Variants in SMARCC1 observed in about 807,000 individuals in gnomAD.
SMARCC1 encodes the protein SWI/SNF related BAF chromatin remodeling complex subunit C1, also known as SWI/SNF complex subunit SMARCC1.
A neutral mutation model predicts 147.4 loss-of-function variants in SMARCC1; 43 were observed. The ratio of observed to expected loss-of-function variants is 0.29; its 90% confidence interval spans 0.23 to 0.38. The LOEUF is 0.38. Among genes scored for constraint, SMARCC1 ranks in the 10% least tolerant of loss-of-function variants. The pLI is 1.00. For synonymous variants in SMARCC1, 495 were observed against 484.4 expected (o/e 1.02, Z -0.29); for missense variants, 1,119 against 1,381.1 (o/e 0.81, Z 3.01).
chr3:47,735,002 G>A (rs551946860), intron 5 of SMARCC1, among the ~76,000 whole-genome samples: 133 of 152,168 alleles, frequency 8.7e-4, no homozygotes, highest in African/African-American at 3.0e-3. Flanking sequence ...TGATCCGCCC[G>A]CCTTGGCCTC....
At chr3:47,627,784 G>C (rs548953535) in intron 24 of SMARCC1, among the ~76,000 whole-genome samples, 27 of 152,248 alleles carry the variant, frequency 1.8e-4, no homozygotes, top group African/African-American at 6.5e-4. Context: ...GCACCAGTGA[G>C]ATCACAGCTC....
chr3:47,757,698 G>A (rs527711846), intron 2 of SMARCC1, among the ~76,000 whole-genome samples: 4 of 151,490 alleles, frequency 2.6e-5, no homozygotes, highest in African/African-American at 7.3e-5. Flanking sequence ...GGAGGAAAAC[G>A]GCATGAAACA....
intron 26 of SMARCC1, chr3:47,604,222 G>A: frequency 2.2e-6 from 1 of 456,760 alleles, no homozygotes; most frequent in Non-Finnish European, 4.4e-6. Context: ...CTGATGGAGA[G>A]TTTTGTAGAG....
chr3:47,740,211 T>TTTTTTTTTTTTA (rs2034493767), intron 3 of SMARCC1, among the ~76,000 whole-genome samples: 1 of 78,028 alleles, frequency 1.3e-5, no homozygotes, highest in African/African-American at 5.2e-5. Context: ...TTTTTTTTTT[T>TTTTTTTTTTTTA]AAAAGACAGA....
At chr3:47,608,694 C>A (rs2032516874) in intron 26 of SMARCC1, among the ~76,000 whole-genome samples, 1 of 151,384 alleles carries the variant, frequency 6.6e-6, no homozygotes, top group Non-Finnish European at 1.5e-5. Flanking sequence ...AAAACAAAAC[C>A]AAAAATTAGC....
chr3:47,673,394 AAGGGT>A (rs1576406835), intron 18 of SMARCC1, among the ~76,000 whole-genome samples: 1 of 9,890 alleles, frequency 1.0e-4, no homozygotes, highest in East Asian at 0.01. Flanking sequence ...TCAAAAAAAA[AAGGGT>A]GGGGGGGGGG....
At chr3:47,644,825 A>C (rs2033096975) in intron 21 of SMARCC1, among the ~76,000 whole-genome samples, 1 of 152,184 alleles carries the variant, frequency 6.6e-6, no homozygotes, top group African/African-American at 2.4e-5. Context: ...ACTTTTTTAA[A>C]AACTAAAAAT....
intron 25 of SMARCC1, among the ~76,000 whole-genome samples, chr3:47,612,845 A>G (rs1488223717): frequency 6.6e-6 from 1 of 152,234 alleles, no homozygotes. Flanking sequence ...AACATGTCCT[A>G]TGAGTTGAGA....
At chr3:47,706,660 T>C (rs964889432) in intron 9 of SMARCC1, 130 bp from the exon 10 acceptor site, 2 of 797,848 alleles carry the variant, frequency 2.5e-6, no homozygotes, top group Admixed American at 4.3e-5. Flanking sequence ...ATAAAAAGAA[T>C]ATCATTAATC....
chr3:47,722,890 A>G (rs981002476), intron 6 of SMARCC1, among the ~76,000 whole-genome samples: 1 of 152,230 alleles, frequency 6.6e-6, no homozygotes, highest in African/African-American at 2.4e-5. Flanking sequence ...GGGAAGCCTA[A>G]GCCAAAGCCT....
At chr3:47,643,254 GGC>G (rs929140187) in intron 21 of SMARCC1, among the ~76,000 whole-genome samples, 13 of 152,160 alleles carry the variant, frequency 8.5e-5, no homozygotes, top group Admixed American at 2.0e-4. Context: ...TCCTTATCTT[GGC>G]GTGTCGGCTG....
chr3:47,719,255 G>A (rs920795399), intron 7 of SMARCC1, among the ~76,000 whole-genome samples: 4 of 151,908 alleles, frequency 2.6e-5, no homozygotes, highest in East Asian at 1.9e-4. Flanking sequence ...TATAATACTC[G>A]TTATTCATAC....
intron 8 of SMARCC1, among the ~76,000 whole-genome samples, chr3:47,712,023 G>A (rs6782998): frequency 0.62 from 94,211 of 151,986 alleles, 30,139 homozygotes; most frequent in East Asian, 0.72. Flanking sequence ...ACCTGAGGTC[G>A]GGAGTTCAAG....
Position 47,701,331 on chromosome 3 carries a change from A to G in SMARCC1, c.1112T>C (p.Met371Thr). 6.2e-7 allele frequency: 1 copy of G among 1,613,278 alleles called. No individual in the cohort carries two copies. The highest frequency in any genetic ancestry group is 2.2e-5 in the East Asian group (1 of 44,874). Residue 371 changes from methionine (M) to threonine (T), a missense_variant, in exon 11 of 28, where the codon ATG becomes ACG. By Grantham distance (81) the Met-to-Thr change is moderately conservative (BLOSUM62 -1). This residue lies in a region of SMARCC1 where 542 missense variants were observed against 611.8 expected (regional missense o/e 0.89). Coordinates refer to ENST00000254480, the MANE Select transcript of SMARCC1 (RefSeq NM_003074.4). Reference protein sequence around the residue: ...EDEQEDLTKDMEDPTPVPNIE... With the variant: ...EDEQEDLTKDTEDPTPVPNIE... ...ATTGGGTACAGGTGTTGGGTCTTCC[A>G]TATCCTTGGTTAGATCTTCTTGCTC...
intron 14 of SMARCC1, among the ~76,000 whole-genome samples, chr3:47,680,956 G>A (rs2033637073): frequency 6.6e-6 from 1 of 152,140 alleles, no homozygotes; most frequent in African/African-American, 2.4e-5. Context: ...TAGTTTCTAT[G>A]TATTAACAGC....
At chr3:47,633,343 C>G (rs1196419338) in intron 24 of SMARCC1, among the ~76,000 whole-genome samples, 1 of 152,030 alleles carries the variant, frequency 6.6e-6, no homozygotes, top group Non-Finnish European at 1.5e-5. Context: ...GGCTGAATAG[C>G]TATGGAAAAT....
rs762595618 is a variant in SMARCC1, at chr3:47,686,216, A to G, written c.1264-46T>C. 14 of 1,489,094 alleles carry G rather than the reference A, an allele frequency of 9.4e-6. No homozygotes were observed. In the Admixed American group the frequency reaches 1.4e-4, roughly 15 times the overall value. The allele number at this position is 1,489,094 out of a possible 1,614,324, so 92.2% of individuals were successfully genotyped here. Reference sequence around the variant, plus strand: ...TTCAAAGAAAGAAAGAACTACAGAGAGAGATATATATAACATCTCTTACAC... The same window carrying G: ...TTCAAAGAAAGAAAGAACTACAGAGGGAGATATATATAACATCTCTTACAC... On this transcript the variant is annotated intron_variant, in intron 13 of 27. Coordinates refer to ENST00000254480, the MANE Select transcript of SMARCC1 (RefSeq NM_003074.4).
intron 21 of SMARCC1, among the ~76,000 whole-genome samples, chr3:47,658,146 G>C (rs1277714361): frequency 6.6e-6 from 1 of 152,050 alleles, no homozygotes; most frequent in Non-Finnish European, 1.5e-5. Flanking sequence ...AACAAGAAAA[G>C]CAAGTGGATG....
intron 21 of SMARCC1, among the ~76,000 whole-genome samples, chr3:47,654,505 C>T (rs762943716): frequency 6.6e-6 from 1 of 152,178 alleles, no homozygotes; most frequent in African/African-American, 2.4e-5. Flanking sequence ...CAATAATTTG[C>T]GCAGAGGACT....
Sources: gnomAD v4.1 joint callset for allele counts (sites outside exome capture counted in the v4.1 genomes callset) on GRCh38, gnomAD v4.1.1 for gene constraint, gnomAD v4.1.1 regional missense constraint, MANE v1.5 for transcripts, NCBI Gene and HGNC (gene_info 2026-07-23, HGNC 2026-07-21) for gene names.